The following SEC14L1 variants were observed in gnomAD, a reference collection of about 807,000 sequenced individuals.
SEC14L1 encodes the protein SEC14 like lipid binding 1.
In SEC14L1, 48 loss-of-function variants were observed where a neutral mutation model predicts 85.3. That is an observed-to-expected ratio of 0.56 (90% CI 0.45 to 0.72). The LOEUF is 0.72. SEC14L1 is among the 30% of genes least tolerant of loss of function. The pLI is 0.00. For missense variants in SEC14L1, 682 were observed against 921.4 expected, an observed-to-expected ratio of 0.74 and a Z score of 3.36; for synonymous variants, 391 against 355.5, an observed-to-expected ratio of 1.10 and a Z score of -1.12.
At position 77,135,029 on chromosome 17, in the gene SEC14L1, G is replaced by A. The variant is rs570155167; in HGVS notation, c.-135-7617G>A. Reference sequence around the variant, plus strand: ...CTGCTGCCTGTCTTCTGTCCCTGAAGCCTGGTGAATTCATGTCTAGCAAGG... The same window carrying A: ...CTGCTGCCTGTCTTCTGTCCCTGAAACCTGGTGAATTCATGTCTAGCAAGG... On this transcript the variant is annotated intron_variant, in intron 3 of 19. Transcript: ENST00000392476. 6.6e-5 allele frequency among the ~76,000 whole-genome samples: 10 copies of A among 152,314 alleles called. No individual in the cohort carries two copies. The South Asian group carries it at 2.1e-3, about 32-fold the overall frequency.
chr17:77,093,090 C>T (rs1160057550), intron 2 of SEC14L1, among the ~76,000 whole-genome samples: 1 of 152,082 alleles, frequency 6.6e-6, no homozygotes, highest in Non-Finnish European at 1.5e-5. Context: ...GGGGCCCATT[C>T]CCCGCAGGGC....
At chr17:77,155,871 C>T (rs943878241) in intron 3 of SEC14L1, among the ~76,000 whole-genome samples, 18 of 152,154 alleles carry the variant, frequency 1.2e-4, no homozygotes, top group South Asian at 6.2e-4. Flanking sequence ...TGAGCCACTT[C>T]GCCCAGTCCA....
At chr17:77,209,565 G>C (rs927320764) in intron 14 of SEC14L1, 89 bp downstream of exon 14, 2 of 1,399,912 alleles carry the variant, frequency 1.4e-6, no homozygotes, top group Admixed American at 4.7e-5. Context: ...CTTTCATTCA[G>C]AACAGTCCAC....
At chr17:77,210,154 T>C (rs1015425049) in intron 14 of SEC14L1, 9 of 152,352 alleles carry the variant, frequency 5.9e-5, no homozygotes, top group African/African-American at 1.9e-4. Flanking sequence ...GTTTGCTACT[T>C]TTTCTTGGCT....
intron 3 of SEC14L1, among the ~76,000 whole-genome samples, chr17:77,122,608 A>G (rs1432015512): frequency 6.6e-6 from 1 of 151,812 alleles, no homozygotes; most frequent in African/African-American, 2.4e-5. Flanking sequence ...TCCCCACCCT[A>G]TTTTCTTCCT....
intron 3 of SEC14L1, among the ~76,000 whole-genome samples, chr17:77,174,194 C>T (rs7213985): frequency 0.39 from 59,545 of 152,014 alleles, 12,386 homozygotes; most frequent in African/African-American, 0.53. Flanking sequence ...GCTGGGATTA[C>T]AGGCATGAGC....
chr17:77,213,202 TC>T lies in SEC14L1; in HGVS notation c.1864-110del. On this transcript the variant is annotated intron_variant, in intron 15 of 16. Coordinates refer to ENST00000436233, the MANE Select transcript of SEC14L1 (RefSeq NM_001143998.2). This position sits in a 1 kb window ranked among gnomAD's most constrained non-coding sequence, Gnocchi z 7.1. ...GGTTCTGAATCCCATTGAGATAGTT[TC>T]CGTAGCTACATGAAATCCTAAAGAC... The T allele has an allele frequency of 2.2e-6, 2 of 897,216 alleles. No homozygotes were observed. The highest frequency in any genetic ancestry group is 1.7e-6 in the Non-Finnish European group (1 of 603,130). 55.6% of individuals were successfully genotyped at this position (897,216 alleles called of 1,614,324 possible).
upstream of SEC14L1, among the ~76,000 whole-genome samples, chr17:77,138,079 G>C (rs1478049342): frequency 1.3e-5 from 2 of 152,122 alleles, no homozygotes; most frequent in Non-Finnish European, 2.9e-5. Flanking sequence ...TAGGGAGTCG[G>C]AGCTGTCTTC....
intron 3 of SEC14L1, among the ~76,000 whole-genome samples, chr17:77,168,829 T>C (rs1327964079): frequency 2.0e-5 from 3 of 152,174 alleles, no homozygotes; most frequent in African/African-American, 7.2e-5. Context: ...CTGTTGATTA[T>C]AGTAAATGTA....
chr17:77,195,347 A>G (rs1466381995), intron 7 of SEC14L1, among the ~76,000 whole-genome samples: 1 of 149,524 alleles, frequency 6.7e-6, no homozygotes, highest in Non-Finnish European at 1.5e-5. Context: ...GAGATAGAGT[A>G]TTGCTCTGTT....
intron 3 of SEC14L1, among the ~76,000 whole-genome samples, chr17:77,098,437 TG>T (rs1362145268): frequency 6.6e-6 from 1 of 151,836 alleles, no homozygotes; most frequent in Non-Finnish European, 1.5e-5. Context: ...AGGCAGAGGT[TG>T]CAGTAAGCCA....
At chr17:77,104,790 C>CAA (rs34654587) in intron 3 of SEC14L1, among the ~76,000 whole-genome samples, 6 of 115,808 alleles carry the variant, frequency 5.2e-5, no homozygotes, top group African/African-American at 1.0e-4. Context: ...GACTCCATTT[C>CAA]AAAAAAAAAA....
chr17:77,095,362 T>G (rs942450642), intron 3 of SEC14L1, among the ~76,000 whole-genome samples: 45 of 152,150 alleles, frequency 3.0e-4, no homozygotes, highest in African/African-American at 1.0e-3. Context: ...AGGATGGGAA[T>G]GAGTGTCCCA....
intron 3 of SEC14L1, among the ~76,000 whole-genome samples, chr17:77,155,988 C>T (rs920809840): frequency 2.0e-5 from 3 of 152,192 alleles, no homozygotes; most frequent in African/African-American, 4.8e-5. Context: ...GCGAGGCCTC[C>T]ACACCCACTG....
intron 3 of SEC14L1, among the ~76,000 whole-genome samples, chr17:77,098,172 T>C (rs1971692514): frequency 6.6e-6 from 1 of 152,184 alleles, no homozygotes; most frequent in Non-Finnish European, 1.5e-5. Flanking sequence ...TAGGAACCAT[T>C]TTTCCCTCTA....
At chr17:77,212,912 G>C (rs78978757) in intron 15 of SEC14L1, among the ~76,000 whole-genome samples, 1 of 152,192 alleles carries the variant, frequency 6.6e-6, no homozygotes, top group African/African-American at 2.4e-5. Context: ...TTAGGGTGAC[G>C]TGCCTTCAGC....
rs545018896 is a variant in SEC14L1, at chr17:77,213,835, C to T, written c.2043-83C>T. The T allele has an allele frequency of 2.6e-6, 4 of 1,532,394 alleles. No individual in the cohort carries two copies. The highest frequency in any genetic ancestry group is 3.6e-6 in the Non-Finnish European group (4 of 1,108,276). 94.9% of individuals were successfully genotyped at this position (1,532,394 alleles called of 1,614,324 possible). A position where few individuals can be genotyped will look rare whatever the true frequency, so the allele number is the denominator to read the frequency against. Reference sequence around the variant, plus strand: ...AGAAGTGAGCAGAGAACAGGGTGGGCCACGAAGTCCAGCAGGCAGTGTGGG... The same window carrying T: ...AGAAGTGAGCAGAGAACAGGGTGGGTCACGAAGTCCAGCAGGCAGTGTGGG... On this transcript the variant is annotated intron_variant, in intron 16 of 16. Transcript: ENST00000436233. The surrounding 1 kb of genome is among the most constrained non-coding windows in gnomAD (Gnocchi z 7.1).
At chr17:77,191,496 G>T (rs1161051275) in intron 5 of SEC14L1, among the ~76,000 whole-genome samples, 184 bp downstream of exon 5, 2 of 152,060 alleles carry the variant, frequency 1.3e-5, no homozygotes, top group African/African-American at 4.8e-5. Flanking sequence ...AGTGTATTAT[G>T]TTGTCGTGGC....
chr17:77,100,141 G>C (rs540070668), intron 3 of SEC14L1, among the ~76,000 whole-genome samples: 1 of 152,336 alleles, frequency 6.6e-6, no homozygotes, highest in Admixed American at 6.5e-5. Context: ...GCTTCTCTTT[G>C]AGTCATCTGG....
Sources: allele counts gnomAD v4.1 joint callset (sites outside exome capture counted in the v4.1 genomes callset), GRCh38; gene constraint gnomAD v4.1.1; non-coding constraint Gnocchi (gnomAD v3.1); transcripts MANE v1.5; gene names NCBI Gene and HGNC (gene_info 2026-07-23, HGNC 2026-07-21).